PGM5: variants seen among roughly 807,000 people sequenced by gnomAD.
PGM5 encodes phosphoglucomutase 5.
PGM5 carries 23 observed loss-of-function variants against 59.2 expected under a neutral mutation model. That is an observed-to-expected ratio of 0.39 (90% CI 0.28 to 0.55). PGM5 has a LOEUF of 0.55. PGM5 is among the 20% of genes least tolerant of loss of function. PGM5 has a pLI of 0.66. For missense variants in PGM5, 574 were observed against 748.3 expected, an observed-to-expected ratio of 0.77 and a Z score of 2.72; for synonymous variants, 214 against 286.0, an observed-to-expected ratio of 0.75 and a Z score of 2.54.
chr9:68,405,887 G>A (rs1554681093), intron 6 of PGM5: 2 of 152,280 alleles, frequency 1.3e-5, no homozygotes, highest in African/African-American at 4.8e-5. Flanking sequence ...CTCTGTGTAA[G>A]GTGTTCTGCT....
At chr9:68,506,719 A>G (rs549524877) in intron 10 of PGM5, among the ~76,000 whole-genome samples, 5 of 152,326 alleles carry the variant, frequency 3.3e-5, no homozygotes, top group Admixed American at 1.3e-4. Flanking sequence ...GTGAAAGAGA[A>G]ACAGAATGGA....
At chr9:68,522,290 A>G (rs893544783) in intron 10 of PGM5, among the ~76,000 whole-genome samples, 1 of 152,168 alleles carries the variant, frequency 6.6e-6, no homozygotes, top group African/African-American at 2.4e-5. Context: ...CAGATAGCAG[A>G]CTCACGCAAG....
chr9:68,383,600 A>G (rs1376942708), intron 2 of PGM5, among the ~76,000 whole-genome samples: 3 of 151,846 alleles, frequency 2.0e-5, no homozygotes, highest in Non-Finnish European at 4.4e-5. Flanking sequence ...AGTATAGTTG[A>G]CAAGTAAGAT....
At chr9:68,460,707 A>G (rs1554685326) in intron 6 of PGM5, among the ~76,000 whole-genome samples, 1 of 152,218 alleles carries the variant, frequency 6.6e-6, no homozygotes, top group Non-Finnish European at 1.5e-5. Context: ...AGCCCTTTTA[A>G]CAACTCCTTA....
intron 6 of PGM5, among the ~76,000 whole-genome samples, chr9:68,439,743 G>C (rs1422584657): frequency 6.6e-6 from 1 of 150,554 alleles, no homozygotes; most frequent in East Asian, 1.9e-4. Flanking sequence ...ATTAGACATG[G>C]AACGTGTATG....
At position 68,479,496 on chromosome 9, in the gene PGM5, G is replaced by A; in HGVS notation, c.1238G>A (p.Ser413Asn). 1 of 1,614,124 alleles carries A rather than the reference G, an allele frequency of 6.2e-7. No homozygotes were observed. Among genetic ancestry groups the A allele is most frequent in the Middle Eastern group, 1.6e-4 (1 of 6,062 alleles). Reference sequence around the variant, plus strand: ...TCCATTATTGCTGCCCGGAAGCAGAGTGTGGAGGAAATTGTCCGAGATCAC... The same window carrying A: ...TCCATTATTGCTGCCCGGAAGCAGAATGTGGAGGAAATTGTCCGAGATCAC... ...WLSIIAARKQ[S>N]VEEIVRDHWA... The change falls in exon 8 of 11, where the codon AGT becomes AAT. Residue 413 changes from serine (S) to asparagine (N), a missense_variant. Physicochemically the swap from Ser to Asn is conservative, Grantham distance 46. Transcript: ENST00000396396.
At chr9:68,524,242 C>A (rs76294832) in intron 10 of PGM5, among the ~76,000 whole-genome samples, 1 of 152,164 alleles carries the variant, frequency 6.6e-6, no homozygotes, top group Admixed American at 6.5e-5. Flanking sequence ...TTTAAAAAAT[C>A]AAAATCAATG....
At chr9:68,372,941 C>T (rs1228660252) in intron 1 of PGM5, among the ~76,000 whole-genome samples, 7 of 152,096 alleles carry the variant, frequency 4.6e-5, no homozygotes, top group Non-Finnish European at 1.0e-4. Context: ...ATGAGGGACT[C>T]GCCCCCATGA....
intron 2 of PGM5, among the ~76,000 whole-genome samples, chr9:68,381,840 G>A (rs2480164): frequency 0.042 from 3,538 of 84,492 alleles, no homozygotes; most frequent in South Asian, 0.051. Flanking sequence ...TTTAACCAAG[G>A]GGTGAAAGTA....
At chr9:68,489,317 G>C (rs901648835) in intron 9 of PGM5, among the ~76,000 whole-genome samples, 3 of 152,128 alleles carry the variant, frequency 2.0e-5, no homozygotes, top group African/African-American at 7.2e-5. Flanking sequence ...TATCAATCCA[G>C]AACCATGACC....
chr9:68,476,390 T>A (rs776738843), intron 7 of PGM5, among the ~76,000 whole-genome samples: 3 of 152,216 alleles, frequency 2.0e-5, no homozygotes, highest in Non-Finnish European at 2.9e-5. Context: ...TCCAGCCTAT[T>A]ATCCCTGTCA....
In PGM5 at chr9:68,382,151, T is replaced by C. The variant is rs532417350; in HGVS notation, c.425-2247T>C. ...AAGCTAAAGTAAAACCAAAACAGTA[T>C]GATACTGGCATAAAAACAGAAACAT... On this transcript the variant is annotated intron_variant, in intron 2 of 10. Coordinates refer to ENST00000396396, the MANE Select transcript of PGM5 (RefSeq NM_021965.4). Among the ~76,000 whole-genome samples the C allele has an allele frequency of 2.6e-5, 4 of 151,780 alleles. No individual in the cohort carries two copies. In the South Asian group the frequency reaches 8.3e-4, roughly 32 times the overall value.
intron 10 of PGM5, among the ~76,000 whole-genome samples, chr9:68,508,224 A>G (rs1308762845): frequency 1.3e-5 from 2 of 152,136 alleles, no homozygotes; most frequent in Non-Finnish European, 2.9e-5. Flanking sequence ...CAAATCTTGC[A>G]AGAATACCGG....
intron 6 of PGM5, chr9:68,464,558 C>T (rs1224252657): frequency 2.6e-5 from 4 of 152,840 alleles, no homozygotes; most frequent in Non-Finnish European, 5.8e-5. Flanking sequence ...ACAGGGGCCA[C>T]ATCTGCGAGC....
At chr9:68,509,610 A>C (rs1342978397) in intron 10 of PGM5, among the ~76,000 whole-genome samples, 2 of 152,244 alleles carry the variant, frequency 1.3e-5, no homozygotes, top group Admixed American at 1.3e-4. Context: ...AGGGCCACGC[A>C]GGGAAGCGCC....
intron 9 of PGM5, among the ~76,000 whole-genome samples, chr9:68,490,339 T>G (rs1337938971): frequency 6.6e-6 from 1 of 152,192 alleles, no homozygotes; most frequent in Non-Finnish European, 1.5e-5. Context: ...TTTTTGTTTT[T>G]TGTTGTTGTT....
chr9:68,376,818 T>TC lies in PGM5; in HGVS notation c.262-1381_262-1380insC, dbSNP rs1491550557. On this transcript the variant is annotated intron_variant, in intron 1 of 10. Coordinates refer to ENST00000396396, the MANE Select transcript of PGM5 (RefSeq NM_021965.4). The stretch of plus-strand genomic sequence containing the variant: ...CTTTCTTTCTTTCTTTCTTTCTTTC[T>TC]TTCTTTCTTTCTTTCTCTTTCTTTC... 4.3e-5 allele frequency among the ~76,000 whole-genome samples: 3 copies of TC among 69,126 alleles called. No homozygotes were observed. In the Admixed American group the frequency reaches 4.6e-4, roughly 11 times the overall value. The allele number at this position is 69,126 out of a possible 152,430, so 45.3% of individuals were successfully genotyped here.
chr9:68,375,621 GA>G (rs1821859231), intron 1 of PGM5, among the ~76,000 whole-genome samples: 1 of 152,158 alleles, frequency 6.6e-6, no homozygotes, highest in Non-Finnish European at 1.5e-5. Flanking sequence ...CCACATGCCA[GA>G]TTTATTTTAA....
At chr9:68,406,799 G>C (rs1451594840) in intron 6 of PGM5, among the ~76,000 whole-genome samples, 26 of 146,790 alleles carry the variant, frequency 1.8e-4, no homozygotes, top group African/African-American at 6.1e-4. Context: ...CATGGCGATG[G>C]GGCTTTATGG....
Sources: gnomAD v4.1 joint callset for allele counts (sites outside exome capture counted in the v4.1 genomes callset) on GRCh38, gnomAD v4.1.1 for gene constraint, MANE v1.5 for transcripts, NCBI Gene and HGNC (gene_info 2026-07-23, HGNC 2026-07-21) for gene names.